LIN54: variants seen among roughly 807,000 people sequenced by gnomAD.
LIN54 encodes protein lin-54 homolog.
In LIN54, 9 loss-of-function variants were observed where a neutral mutation model predicts 78.7. The observed-to-expected ratio is 0.11, with a 90% CI of 0.07 to 0.20. The LOEUF is 0.20. LIN54 is among the 10% of genes least tolerant of loss of function. The probability of loss-of-function intolerance (pLI) is 1.00; values close to 1 mark genes in which losing one functional copy is unlikely to be tolerated. For missense variants in LIN54, 573 were observed against 889.9 expected, an observed-to-expected ratio of 0.64 and a Z score of 4.53; for synonymous variants, 269 against 318.4, an observed-to-expected ratio of 0.84 and a Z score of 1.65.
chr4:82,974,124 G>T (rs1262627836), intron 3 of LIN54, among the ~76,000 whole-genome samples: 1 of 151,538 alleles, frequency 6.6e-6, no homozygotes, highest in Non-Finnish European at 1.5e-5. Flanking sequence ...GCAAGAGAAT[G>T]GCGTGAACCC....
At chr4:82,992,944 C>T (rs12498238) in intron 1 of LIN54, among the ~76,000 whole-genome samples, 63,311 of 149,674 alleles carry the variant, frequency 0.42, 16,574 homozygotes, top group Admixed American at 0.58. Context: ...AGGAGAATGG[C>T]GTGAACCCAG....
At chr4:82,987,937 A>T (rs11736345) in intron 1 of LIN54, among the ~76,000 whole-genome samples, 27,966 of 152,168 alleles carry the variant, frequency 0.18, 2,742 homozygotes, top group South Asian at 0.32. Context: ...CTGGTTCTAT[A>T]TCCTTGAGGA....
At chr4:82,963,054 C>A (rs1489929625) in intron 4 of LIN54, among the ~76,000 whole-genome samples, 1 of 151,662 alleles carries the variant, frequency 6.6e-6, no homozygotes, top group African/African-American at 2.4e-5. Context: ...TTTAGACACA[C>A]AATAGTCCAA....
intron 4 of LIN54, among the ~76,000 whole-genome samples, chr4:82,957,033 T>C (rs184038551): frequency 1.3e-5 from 2 of 152,340 alleles, no homozygotes; most frequent in East Asian, 3.8e-4. Flanking sequence ...GTCACCTCAA[T>C]TCCACAACAC....
At chr4:82,936,249 T>C (rs6535415) in intron 10 of LIN54, 30 bp downstream of exon 10, 1,510,449 of 1,511,366 alleles carry the variant, frequency 1, 754,769 homozygotes, top group East Asian at 1. Context: ...TGGATATTTC[T>C]GTCAGTTAAA....
intron 3 of LIN54, among the ~76,000 whole-genome samples, chr4:82,973,356 T>C (rs996183464): frequency 6.6e-6 from 1 of 152,196 alleles, no homozygotes; most frequent in African/African-American, 2.4e-5. Flanking sequence ...TCCTTTGAAA[T>C]TCAAGTTATT....
intron 1 of LIN54, among the ~76,000 whole-genome samples, chr4:83,001,958 G>A (rs748883653): frequency 0.23 from 18,680 of 79,964 alleles, 9,185 homozygotes; most frequent in Non-Finnish European, 0.32. Flanking sequence ...AAGGAAGGAA[G>A]GAAGGAAGGA....
chr4:82,976,779 T>G (rs1261034087), intron 3 of LIN54, among the ~76,000 whole-genome samples: 1 of 152,166 alleles, frequency 6.6e-6, no homozygotes, highest in Non-Finnish European at 1.5e-5. Context: ...TGATGGAATC[T>G]CCTTGTGATA....
upstream of LIN54, chr4:83,010,881 C>CA: frequency 8.4e-7 from 1 of 1,186,506 alleles, no homozygotes; most frequent in Non-Finnish European, 1.1e-6. Context: ...GGCGCACACC[C>CA]ACATATCCGG....
chr4:82,970,257 G>T, intron 4 of LIN54, 70 bp downstream of exon 4: 2 of 1,416,568 alleles, frequency 1.4e-6, no homozygotes, highest in South Asian at 1.3e-5. Context: ...TGAAGTATCT[G>T]AAGTGACTAG....
At chr4:82,928,336 T>C in intron 12 of LIN54, 33 bp from the exon 13 acceptor site, 1 of 1,535,544 alleles carries the variant, frequency 6.5e-7, no homozygotes, top group South Asian at 1.1e-5. Context: ...AAGATGATGG[T>C]GGTGTTAAAT....
intron 11 of LIN54, 135 bp downstream of exon 11, chr4:82,935,846 G>A (rs771162658): frequency 2.4e-6 from 2 of 826,792 alleles, no homozygotes; most frequent in Admixed American, 2.1e-5. Flanking sequence ...CCTAAAACAA[G>A]GGCCTTTGCA....
chr4:82,944,494 T>C (rs1047851889), intron 5 of LIN54, among the ~76,000 whole-genome samples: 1 of 152,176 alleles, frequency 6.6e-6, no homozygotes, highest in Admixed American at 6.5e-5. Context: ...TTTTTTCATT[T>C]TTCCCCTCAT....
intron 2 of LIN54, among the ~76,000 whole-genome samples, chr4:82,979,885 G>A (rs1726478762): frequency 2.2e-5 from 3 of 137,778 alleles, no homozygotes; most frequent in Non-Finnish European, 3.1e-5. Flanking sequence ...GCAGGGAGTC[G>A]AGATTGCACC....
At chr4:82,999,143 G>A (rs1246157684) in intron 1 of LIN54, among the ~76,000 whole-genome samples, 1 of 152,132 alleles carries the variant, frequency 6.6e-6, no homozygotes, top group Non-Finnish European at 1.5e-5. Flanking sequence ...GCAGTAAAAG[G>A]TGATCTCCCA....
intron 1 of LIN54, among the ~76,000 whole-genome samples, chr4:82,997,762 G>GGGAGGCCAAGA (rs1477381759): frequency 1.7e-3 from 255 of 151,592 alleles, no homozygotes; most frequent in African/African-American, 5.9e-3. Flanking sequence ...GGAGGCCAAG[G>GGGAGGCCAAGA]AGGGCGGATC....
intron 11 of LIN54, among the ~76,000 whole-genome samples, chr4:82,933,312 T>C (rs1452158095): frequency 6.6e-6 from 1 of 150,888 alleles, no homozygotes; most frequent in Non-Finnish European, 1.5e-5. Flanking sequence ...ATTAATAGTG[T>C]CTAACCGGAG....
chr4:82,996,839 A>T, intron 1 of LIN54, among the ~76,000 whole-genome samples: 1 of 152,028 alleles, frequency 6.6e-6, no homozygotes, highest in Non-Finnish European at 1.5e-5. Context: ...ACAGTCACCC[A>T]TTTAGAAAAG....
At chr4:82,968,368 A>G (rs1725392716) in intron 4 of LIN54, among the ~76,000 whole-genome samples, 1 of 152,184 alleles carries the variant, frequency 6.6e-6, no homozygotes, top group African/African-American at 2.4e-5. Flanking sequence ...GGAAAAAAAT[A>G]AAGCCAGTTC....
Sources: allele counts gnomAD v4.1 joint callset (sites outside exome capture counted in the v4.1 genomes callset), GRCh38; gene constraint gnomAD v4.1.1; transcripts MANE v1.5; gene names NCBI Gene and HGNC (gene_info 2026-07-23, HGNC 2026-07-21).